CTNNA2: variants seen among roughly 807,000 people sequenced by gnomAD.
CTNNA2 encodes catenin alpha-2.
CTNNA2 carries 42 observed loss-of-function variants against 101.0 expected under a neutral mutation model. The observed-to-expected ratio is 0.42, with a 90% CI of 0.32 to 0.54. The LOEUF is 0.54. CTNNA2 is among the 20% of genes least tolerant of loss of function. The pLI is 0.14. For synonymous variants in CTNNA2, 450 were observed against 456.4 expected (o/e 0.99, Z 0.18); for missense variants, 871 against 1,223.1 (o/e 0.71, Z 4.29).
intron 7 of CTNNA2, among the ~76,000 whole-genome samples, chr2:80,352,091 G>A (rs1673355726): frequency 6.6e-6 from 1 of 152,094 alleles, no homozygotes; most frequent in Non-Finnish European, 1.5e-5. Context: ...CACTGCAAGG[G>A]AGAATTTTGG....
chr2:79,327,519 A>C (rs1392880774), intron 3 of CTNNA2, among the ~76,000 whole-genome samples: 1 of 152,210 alleles, frequency 6.6e-6, no homozygotes, highest in African/African-American at 2.4e-5. Flanking sequence ...TAATTTCATT[A>C]GATATCCAAC....
At chr2:79,860,396 G>A (rs1681498961) in intron 4 of CTNNA2, among the ~76,000 whole-genome samples, 1 of 152,062 alleles carries the variant, frequency 6.6e-6, no homozygotes, top group African/African-American at 2.4e-5. Flanking sequence ...AATCCAGGGC[G>A]ATGACGCCAT....
At chr2:79,288,014 G>A (rs1440305305) in intron 2 of CTNNA2, among the ~76,000 whole-genome samples, 1 of 152,304 alleles carries the variant, frequency 6.6e-6, no homozygotes, top group African/African-American at 2.4e-5. Flanking sequence ...GATTTTCCAG[G>A]TGCCGTCTGT....
chr2:79,334,285 G>T (rs768152057), intron 3 of CTNNA2, among the ~76,000 whole-genome samples: 11 of 151,940 alleles, frequency 7.2e-5, no homozygotes, highest in Non-Finnish European at 1.6e-4. Context: ...CTTCCTCAAG[G>T]TCATAAAACT....
chr2:79,228,163 TG>T (rs1674445684), intron 2 of CTNNA2, among the ~76,000 whole-genome samples: 1 of 152,226 alleles, frequency 6.6e-6, no homozygotes, highest in Non-Finnish European at 1.5e-5. Context: ...CCACTATTGA[TG>T]GGCACTTAGA....
At chr2:79,818,972 C>G (rs1050623874) in intron 3 of CTNNA2, among the ~76,000 whole-genome samples, 4 of 139,916 alleles carry the variant, frequency 2.9e-5, no homozygotes, top group Admixed American at 1.4e-4. Flanking sequence ...CCTCCATATT[C>G]TTTTTCTTTT....
At chr2:79,926,250 A>G (rs1423017731) in intron 7 of CTNNA2, among the ~76,000 whole-genome samples, 1 of 152,156 alleles carries the variant, frequency 6.6e-6, no homozygotes, top group African/African-American at 2.4e-5. Context: ...TTCCAGGTGA[A>G]GAATAGCATG....
chr2:80,313,565 G>T, intron 7 of CTNNA2: 1 of 1,611,118 alleles, frequency 6.2e-7, no homozygotes. Context: ...TGACCAGATG[G>T]ATGGATGGAG....
chr2:79,676,589 C>G (rs1683200019), intron 2 of CTNNA2, among the ~76,000 whole-genome samples: 1 of 152,144 alleles, frequency 6.6e-6, no homozygotes. Context: ...CACCCTACCA[C>G]TGTCCTTGAA....
At chr2:79,242,875 G>C (rs575734826) in intron 2 of CTNNA2, among the ~76,000 whole-genome samples, 1 of 151,736 alleles carries the variant, frequency 6.6e-6, no homozygotes, top group African/African-American at 2.4e-5. Context: ...GACTGAGGCA[G>C]GAGGATTCGT....
At chr2:79,556,652 A>G (rs758269047) in intron 1 of CTNNA2, among the ~76,000 whole-genome samples, 1 of 152,050 alleles carries the variant, frequency 6.6e-6, no homozygotes, top group Non-Finnish European at 1.5e-5. Context: ...CAATATAAAC[A>G]CAAAATTGTT....
At chr2:79,229,235 T>C (rs1019665552) in intron 2 of CTNNA2, among the ~76,000 whole-genome samples, 7 of 152,146 alleles carry the variant, frequency 4.6e-5, no homozygotes, top group African/African-American at 1.7e-4. Context: ...GCTTTAGCTA[T>C]TTAGGCTGAT....
intron 7 of CTNNA2, among the ~76,000 whole-genome samples, chr2:80,167,254 A>AT (rs1704760112): frequency 6.6e-6 from 1 of 152,140 alleles, no homozygotes; most frequent in Non-Finnish European, 1.5e-5. Flanking sequence ...GTTCAAATAT[A>AT]TTTTTCTTGT....
intron 9 of CTNNA2, among the ~76,000 whole-genome samples, chr2:80,521,188 C>T (rs1217140960): frequency 2.6e-5 from 4 of 152,054 alleles, no homozygotes; most frequent in Non-Finnish European, 5.9e-5. Context: ...TCTACCTAAC[C>T]CTGGAGACCA....
At chr2:79,818,960 C>T (rs1558549518) in intron 3 of CTNNA2, among the ~76,000 whole-genome samples, 1 of 144,784 alleles carries the variant, frequency 6.9e-6, no homozygotes, top group African/African-American at 2.5e-5. Context: ...TCTACTGTTT[C>T]TCCTCCATAT....
chr2:79,687,514 A>C, intron 2 of CTNNA2: 1 of 654,842 alleles, frequency 1.5e-6, no homozygotes, highest in South Asian at 1.7e-5. Flanking sequence ...CAGAGGGCAC[A>C]CACTGGAATC....
chr2:79,690,902 G>A (rs1684251808), intron 2 of CTNNA2, among the ~76,000 whole-genome samples: 1 of 151,850 alleles, frequency 6.6e-6, no homozygotes, highest in Admixed American at 6.6e-5. Flanking sequence ...TGAGAATATG[G>A]TTATTTTGTT....
intron 8 of CTNNA2, among the ~76,000 whole-genome samples, chr2:80,398,844 G>A (rs1678287918): frequency 6.6e-6 from 1 of 151,514 alleles, no homozygotes; most frequent in Non-Finnish European, 1.5e-5. Flanking sequence ...TGCAGCCTGG[G>A]TAACACATCA....
chr2:79,235,623 T>C (rs1674546530), intron 2 of CTNNA2, among the ~76,000 whole-genome samples: 1 of 152,160 alleles, frequency 6.6e-6, no homozygotes, highest in African/African-American at 2.4e-5. Flanking sequence ...CACTCCTCCA[T>C]AGGCCCATGA....
Sources: gnomAD v4.1 joint callset for allele counts (sites outside exome capture counted in the v4.1 genomes callset) on GRCh38, gnomAD v4.1.1 for gene constraint, MANE v1.5 for transcripts, NCBI Gene and HGNC (gene_info 2026-07-23, HGNC 2026-07-21) for gene names.